The following FIRRM variants were observed in gnomAD, a reference collection of about 807,000 sequenced individuals.
The protein encoded by FIRRM is FIGNL1 interacting regulator of recombination and mitosis.
the FIRRM span, among the ~76,000 whole-genome samples, chr1:169,805,746 C>T: frequency 6.6e-6 from 1 of 152,256 alleles, no homozygotes; most frequent in African/African-American, 2.4e-5. Context: ...TTTTATTCCA[C>T]TGAACATCTT....
the FIRRM span, among the ~76,000 whole-genome samples, chr1:169,797,784 C>T: frequency 6.6e-6 from 1 of 152,090 alleles, no homozygotes; most frequent in South Asian, 2.1e-4. Flanking sequence ...CCTCGTGATC[C>T]GCCTGCCTCA....
the FIRRM span, among the ~76,000 whole-genome samples, chr1:169,848,771 C>A: frequency 1.3e-5 from 2 of 152,148 alleles, no homozygotes; most frequent in Non-Finnish European, 2.9e-5. Context: ...GGACTATGCA[C>A]GGGCCTAGAA....
chr1:169,839,556 C>T, the FIRRM span, among the ~76,000 whole-genome samples: 3 of 152,034 alleles, frequency 2.0e-5, no homozygotes, highest in African/African-American at 4.8e-5. Flanking sequence ...TTTTGAGAAG[C>T]GTCTGTTCAT....
At chr1:169,849,564 T>C in the FIRRM span, 6 of 1,613,964 alleles carry the variant, frequency 3.7e-6, no homozygotes, top group Non-Finnish European at 5.1e-6. Context: ...AGTTGGCTGC[T>C]AGAACAACAT....
At chr1:169,794,940 ACTTT>A in the FIRRM span, 7 of 612,674 alleles carry the variant, frequency 1.1e-5, no homozygotes, top group African/African-American at 1.8e-5. Context: ...GAGAAGCCCG[ACTTT>A]CTTTCCGGCC....
the FIRRM span, chr1:169,832,272 A>G: frequency 9.1e-6 from 5 of 547,066 alleles, no homozygotes; most frequent in South Asian, 1.3e-4. Context: ...TGAAGATAAG[A>G]AAAGCCCCAA....
At chr1:169,826,915 A>T in the FIRRM span, 1 of 711,256 alleles carries the variant, frequency 1.4e-6, no homozygotes, top group Non-Finnish European at 2.2e-6. Context: ...ATTTTGTTTT[A>T]TAAAATGCAC....
the FIRRM span, chr1:169,853,495 C>G: frequency 2.0e-6 from 1 of 502,912 alleles, no homozygotes; most frequent in Non-Finnish European, 3.5e-6. Context: ...AAGGCTCTTC[C>G]TCCTGGAAAC....
chr1:169,845,705 G>C, the FIRRM span, among the ~76,000 whole-genome samples: 1 of 152,048 alleles, frequency 6.6e-6, no homozygotes, highest in Non-Finnish European at 1.5e-5. Flanking sequence ...TTGATCATGA[G>C]ATTGCAGCAA....
At chr1:169,793,519 G>A in the FIRRM span, 10 of 1,614,062 alleles carry the variant, frequency 6.2e-6, no homozygotes, top group Non-Finnish European at 8.5e-6. Flanking sequence ...GTTCCCACAA[G>A]TGATCCTGAG....
chr1:169,830,460 C>T, the FIRRM span: 36 of 1,014,816 alleles, frequency 3.5e-5, no homozygotes, highest in Admixed American at 8.7e-4. Context: ...AAAATAATTC[C>T]CAAAACGCTT....
At chr1:169,808,050 G>GT in the FIRRM span, 2,260 of 916,842 alleles carry the variant, frequency 2.5e-3, no homozygotes, top group Middle Eastern at 5.2e-3. Flanking sequence ...TCATTTGGGT[G>GT]TTTTTTTTTG....
chr1:169,850,842 C>T, the FIRRM span: 1 of 153,624 alleles, frequency 6.5e-6, no homozygotes, highest in Non-Finnish European at 1.4e-5. Flanking sequence ...GGTGTAATAG[C>T]ACTGATTATC....
the FIRRM span, among the ~76,000 whole-genome samples, chr1:169,821,969 AAT>A: frequency 6.6e-6 from 1 of 152,220 alleles, no homozygotes; most frequent in Non-Finnish European, 1.5e-5. Flanking sequence ...GTAAAAAAAA[AAT>A]AGTTTTTATT....
At chr1:169,804,340 C>T in the FIRRM span, 3 of 935,468 alleles carry the variant, frequency 3.2e-6, no homozygotes, top group Non-Finnish European at 4.4e-6. Context: ...ACTAATTATG[C>T]ATTAAAATTG....
At chr1:169,824,362 C>A in the FIRRM span, among the ~76,000 whole-genome samples, 1 of 152,228 alleles carries the variant, frequency 6.6e-6, no homozygotes, top group Non-Finnish European at 1.5e-5. Flanking sequence ...TTCCCTCTTG[C>A]ATCATCAGCC....
chr1:169,786,571 T>A, the FIRRM span, among the ~76,000 whole-genome samples: 1 of 151,974 alleles, frequency 6.6e-6, no homozygotes, highest in Non-Finnish European at 1.5e-5. Context: ...ATTCTCCCTT[T>A]AAAAAAAATG....
chr1:169,836,189 CTTATT>C, the FIRRM span, among the ~76,000 whole-genome samples: 1 of 151,660 alleles, frequency 6.6e-6, no homozygotes, highest in Non-Finnish European at 1.5e-5. Flanking sequence ...TTGGATTATA[CTTATT>C]TTAATCATTA....
the FIRRM span, chr1:169,795,761 T>C: frequency 5.8e-5 from 57 of 985,264 alleles, no homozygotes; most frequent in Non-Finnish European, 1.1e-5. Context: ...TTTTCCTCCT[T>C]CCCCTCTCAG....
Sources: allele counts gnomAD v4.1 joint callset (sites outside exome capture counted in the v4.1 genomes callset), GRCh38; gene constraint gnomAD v4.1.1; transcripts MANE v1.5; gene names NCBI Gene and HGNC (gene_info 2026-07-23, HGNC 2026-07-21).